The following ARHGAP26 variants were observed in gnomAD, a reference collection of about 807,000 sequenced individuals.
ARHGAP26 encodes the protein Rho GTPase activating protein 26.
Under a neutral mutation model 104.8 loss-of-function variants are expected in ARHGAP26, and 38 were observed. That is an observed-to-expected ratio of 0.36 (90% CI 0.28 to 0.48). The LOEUF (loss-of-function observed/expected upper bound fraction) is 0.48, where lower values mean the gene tolerates loss of function less well. Ranked by LOEUF, ARHGAP26 falls within the 20% of genes least tolerant of loss-of-function variation. The pLI, the probability that ARHGAP26 is intolerant of heterozygous loss-of-function variation, is 0.99. For missense variants in ARHGAP26, 704 were observed against 947.9 expected (o/e 0.74, Z 3.38); for synonymous variants, 341 against 340.0 (o/e 1.00, Z -0.03).
intron 20 of ARHGAP26, among the ~76,000 whole-genome samples, chr5:143,152,044 A>G (rs1228524001): frequency 2.6e-5 from 4 of 152,210 alleles, no homozygotes; most frequent in African/African-American, 9.6e-5. Flanking sequence ...TGGAATCAAT[A>G]AGAAGATCAG....
intron 18 of ARHGAP26, among the ~76,000 whole-genome samples, chr5:143,130,166 T>C (rs1797161041): frequency 6.6e-6 from 1 of 152,256 alleles, no homozygotes; most frequent in Non-Finnish European, 1.5e-5. Flanking sequence ...AAACCATCCC[T>C]GACCACTGTG....
intron 8 of ARHGAP26, among the ~76,000 whole-genome samples, chr5:142,904,662 G>A (rs553543057): frequency 9.2e-5 from 14 of 152,318 alleles, no homozygotes; most frequent in African/African-American, 3.4e-4. Flanking sequence ...GCTCTGTGAT[G>A]GGGCCGTGCC....
At chr5:143,076,556 C>T (rs1388041447) in intron 17 of ARHGAP26, among the ~76,000 whole-genome samples, 1 of 152,096 alleles carries the variant, frequency 6.6e-6, no homozygotes, top group Admixed American at 6.6e-5. Flanking sequence ...TTCCTTATCC[C>T]CAAATGTTAA....
At chr5:142,819,475 C>T (rs1765718483) in intron 1 of ARHGAP26, among the ~76,000 whole-genome samples, 1 of 152,208 alleles carries the variant, frequency 6.6e-6, no homozygotes, top group South Asian at 2.1e-4. Flanking sequence ...GCCTGCTCTG[C>T]CAGGCATGTG....
At chr5:142,786,803 C>T (rs1758746293) in intron 1 of ARHGAP26, among the ~76,000 whole-genome samples, 1 of 151,924 alleles carries the variant, frequency 6.6e-6, no homozygotes, top group Non-Finnish European at 1.5e-5. Context: ...CATGCTACCA[C>T]AGCCGGCTAA....
chr5:143,102,136 C>T (rs1453329327), intron 17 of ARHGAP26, among the ~76,000 whole-genome samples: 1 of 152,106 alleles, frequency 6.6e-6, no homozygotes, highest in African/African-American at 2.4e-5. Flanking sequence ...ACAGCAGGAC[C>T]GTGAGTAAGG....
chr5:142,975,631 TC>T (rs1455763735), intron 11 of ARHGAP26, among the ~76,000 whole-genome samples: 2 of 152,298 alleles, frequency 1.3e-5, no homozygotes, highest in East Asian at 3.9e-4. Context: ...TTTAGATGTT[TC>T]TTGTGTGTAT....
chr5:142,955,120 ACACACC>A (rs1038768542), intron 11 of ARHGAP26, among the ~76,000 whole-genome samples: 11 of 151,466 alleles, frequency 7.3e-5, no homozygotes, highest in South Asian at 2.1e-4. Flanking sequence ...ACACACACAC[ACACACC>A]CCCCATCTCT....
At chr5:142,797,671 C>T (rs900534654) in intron 1 of ARHGAP26, among the ~76,000 whole-genome samples, 17 of 152,328 alleles carry the variant, frequency 1.1e-4, no homozygotes, top group African/African-American at 2.9e-4. Context: ...CAACCCTCGT[C>T]TGTGATTCCA....
chr5:142,963,321 T>C lies in ARHGAP26; in HGVS notation c.1107+31196T>C, dbSNP rs1010355082. ...TGATAATAGTGCTGCAGTGAACATA[T>C]GTGTGCATGTGCCTTTGTGGTAGAA... On this transcript the variant is annotated intron_variant, in intron 11 of 22. Coordinates refer to ENST00000645722, the MANE Select transcript of ARHGAP26 (RefSeq NM_001135608.3). Among the ~76,000 whole-genome samples the C allele has an allele frequency of 5.3e-5, 8 of 151,640 alleles. No homozygotes were observed. The East Asian group carries it at 5.8e-4, about 11-fold the overall frequency.
intron 1 of ARHGAP26, among the ~76,000 whole-genome samples, chr5:142,838,898 A>G (rs1021472734): frequency 2.0e-5 from 3 of 152,216 alleles, no homozygotes; most frequent in African/African-American, 7.2e-5. Flanking sequence ...TAGAACTCGT[A>G]CCACTGACTC....
chr5:142,908,287 AG>A (rs1403832843), intron 9 of ARHGAP26, among the ~76,000 whole-genome samples: 2 of 152,226 alleles, frequency 1.3e-5, no homozygotes, highest in African/African-American at 2.4e-5. Flanking sequence ...TCACGAATTC[AG>A]GGGGCATTTG....
At chr5:142,804,787 C>T (rs547569945) in intron 1 of ARHGAP26, among the ~76,000 whole-genome samples, 5 of 152,210 alleles carry the variant, frequency 3.3e-5, no homozygotes, top group East Asian at 3.9e-4. Flanking sequence ...CCACCATGCC[C>T]GGGCTGAACA....
At chr5:143,081,142 A>C (rs112110519) in intron 17 of ARHGAP26, among the ~76,000 whole-genome samples, 1 of 152,040 alleles carries the variant, frequency 6.6e-6, no homozygotes, top group African/African-American at 2.4e-5. Flanking sequence ...TTCTACTGAG[A>C]GCTCTCAGCA....
At chr5:142,796,302 C>G (rs1250122086) in intron 1 of ARHGAP26, among the ~76,000 whole-genome samples, 1 of 152,180 alleles carries the variant, frequency 6.6e-6, no homozygotes, top group Non-Finnish European at 1.5e-5. Flanking sequence ...TAAATATTGA[C>G]TCTGCCACAA....
At chr5:143,130,492 A>G (rs1198848416) in intron 18 of ARHGAP26, among the ~76,000 whole-genome samples, 1 of 152,196 alleles carries the variant, frequency 6.6e-6, no homozygotes, top group Admixed American at 6.5e-5. Context: ...GCCACATGGT[A>G]GAGCTCCATA....
rs374882750 is a variant in ARHGAP26 at position 142,907,741 on chromosome 5, A to G, written c.870A>G (p.Thr290=). The change falls in exon 9 of 23, where the codon ACA becomes ACG. Residue 290 remains threonine (T), a synonymous_variant. Coordinates refer to ENST00000645722, the MANE Select transcript of ARHGAP26 (RefSeq NM_001135608.3). ...CTTCTTGGGTGAAGCACTACTGTAC[A>G]TATCAACGGGATTCCAAACAAATCA... ...FGTSWVKHYC[T]YQRDSKQITM... The G allele has an allele frequency of 2.5e-6, 4 of 1,612,372 alleles. No homozygotes were observed. The highest frequency in any genetic ancestry group is 4.5e-5 in the East Asian group (2 of 44,860).
chr5:142,797,796 C>A (rs752100994), intron 1 of ARHGAP26, among the ~76,000 whole-genome samples: 10 of 152,190 alleles, frequency 6.6e-5, no homozygotes, highest in South Asian at 2.1e-4. Flanking sequence ...CTCCAAAGAC[C>A]AGTTGCCACT....
chr5:142,772,351 C>T (rs1755381743), intron 1 of ARHGAP26, among the ~76,000 whole-genome samples: 1 of 152,176 alleles, frequency 6.6e-6, no homozygotes, highest in African/African-American at 2.4e-5. Context: ...ATAATCAAGG[C>T]CATTCTTGGT....
Sources: gnomAD v4.1 joint callset for allele counts (sites outside exome capture counted in the v4.1 genomes callset) on GRCh38, gnomAD v4.1.1 for gene constraint, MANE v1.5 for transcripts, NCBI Gene and HGNC (gene_info 2026-07-23, HGNC 2026-07-21) for gene names.